Variants in KIF18A observed in about 807,000 individuals in gnomAD.
KIF18A encodes kinesin family member 18A.
A neutral mutation model predicts 103.3 loss-of-function variants in KIF18A; 67 were observed. That is an observed-to-expected ratio of 0.65 (90% CI 0.53 to 0.79). The LOEUF is 0.79. KIF18A is among the 30% of genes least tolerant of loss of function. The pLI is 0.00. For missense variants in KIF18A, 1,032 were observed against 1,062.5 expected, an observed-to-expected ratio of 0.97 and a Z score of 0.40; for synonymous variants, 367 against 355.5, an observed-to-expected ratio of 1.03 and a Z score of -0.36.
At chr11:28,022,235 G>A (rs1204665304) in intron 16 of KIF18A, among the ~76,000 whole-genome samples, 1 of 150,960 alleles carries the variant, frequency 6.6e-6, no homozygotes, top group Non-Finnish European at 1.5e-5. Flanking sequence ...CAGATAATAA[G>A]CATATTAGAA....
At chr11:28,040,886 C>G (rs549172897) in intron 13 of KIF18A, among the ~76,000 whole-genome samples, 1 of 151,740 alleles carries the variant, frequency 6.6e-6, no homozygotes, top group South Asian at 2.1e-4. Flanking sequence ...TGATTATGAC[C>G]CATGGGATGT....
At chr11:28,064,645 T>C (rs1003781366) in intron 11 of KIF18A, among the ~76,000 whole-genome samples, 4 of 152,056 alleles carry the variant, frequency 2.6e-5, no homozygotes, top group African/African-American at 7.2e-5. Flanking sequence ...GATAATCTTA[T>C]TCCTTTATCT....
chr11:28,044,250 T>G (rs565023583), intron 13 of KIF18A, among the ~76,000 whole-genome samples: 2 of 152,012 alleles, frequency 1.3e-5, no homozygotes, highest in Admixed American at 1.3e-4. Flanking sequence ...ATAATAAATA[T>G]ATGCTGATTT....
intron 6 of KIF18A, among the ~76,000 whole-genome samples, chr11:28,087,634 C>T (rs951250361): frequency 6.6e-6 from 1 of 152,132 alleles, no homozygotes; most frequent in African/African-American, 2.4e-5. Context: ...AATGGTATTT[C>T]TGGTTCTAGA....
At chr11:28,039,174 G>T (rs1482475708) in intron 13 of KIF18A, among the ~76,000 whole-genome samples, 1 of 151,536 alleles carries the variant, frequency 6.6e-6, no homozygotes, top group African/African-American at 2.4e-5. Flanking sequence ...ATATGATAAG[G>T]GTTCAAAGAA....
chr11:28,092,613 T>G (rs1427516246), intron 3 of KIF18A, among the ~76,000 whole-genome samples: 2 of 152,192 alleles, frequency 1.3e-5, no homozygotes, highest in Admixed American at 6.5e-5. Flanking sequence ...GTATAAAGTT[T>G]ATTACTTGCT....
chr11:28,099,205 G>C (rs1160882863), intron 1 of KIF18A, among the ~76,000 whole-genome samples: 3 of 152,098 alleles, frequency 2.0e-5, no homozygotes, highest in Admixed American at 6.5e-5. Context: ...TGAATCTAGG[G>C]GGCATTATGC....
At chr11:28,093,051 TAA>T in intron 3 of KIF18A, among the ~76,000 whole-genome samples, 1 of 152,328 alleles carries the variant, frequency 6.6e-6, no homozygotes, top group African/African-American at 2.4e-5. Flanking sequence ...GGCCTATTTT[TAA>T]AAAGTTCTAT....
chr11:28,062,320 T>C (rs1234833837), intron 12 of KIF18A, 75 bp downstream of exon 12: 116 of 1,345,650 alleles, frequency 8.6e-5, no homozygotes, highest in Non-Finnish European at 1.1e-4. Flanking sequence ...CTCAACTTTC[T>C]GGCAGTGGAA....
Position 28,021,060 on chromosome 11 carries a change from CT to C in KIF18A, c.*139del. On this transcript the variant is annotated 3_prime_UTR_variant, in exon 17 of 17. Coordinates refer to ENST00000263181, the MANE Select transcript of KIF18A (RefSeq NM_031217.4). ...GAAGAAAACAAAGAGTTTCATTTTT[CT>C]GCTTGCTGAAAGTACTTGGGTAAAC... 1.4e-6 allele frequency: 1 copy of C among 709,922 alleles called. No homozygotes were observed. Among genetic ancestry groups the C allele is most frequent in the Non-Finnish European group, 1.9e-6 (1 of 520,252 alleles). 44.0% of individuals were successfully genotyped at this position (709,922 alleles called of 1,614,324 possible).
At chr11:28,050,774 GCTAT>G (rs1327362157) in intron 13 of KIF18A, among the ~76,000 whole-genome samples, 9 of 151,670 alleles carry the variant, frequency 5.9e-5, no homozygotes, top group Non-Finnish European at 1.2e-4. Context: ...TAGTGAGTGT[GCTAT>G]CTATTTTCCA....
rs1850230945 is a variant in KIF18A, at chr11:28,020,975, A to T, written c.*225T>A. The T allele has an allele frequency of 3.3e-6, 1 of 304,242 alleles. No homozygotes were observed. Among genetic ancestry groups the T allele is most frequent in the Non-Finnish European group, 5.4e-6 (1 of 184,148 alleles). The allele number at this position is 304,242 out of a possible 1,614,324, so 18.8% of individuals were successfully genotyped here. ...TCAGGGATTTTAAAAGGCAACAAAT[A>T]TTTAAAAAACTTAAAAGACAACCTT... is the stretch of plus-strand genomic sequence containing the variant. On this transcript the variant is annotated 3_prime_UTR_variant, in exon 17 of 17. Coordinates refer to ENST00000263181, the MANE Select transcript of KIF18A (RefSeq NM_031217.4).
At chr11:28,070,505 A>G (rs1029321246) in intron 10 of KIF18A, among the ~76,000 whole-genome samples, 10 of 152,196 alleles carry the variant, frequency 6.6e-5, no homozygotes, top group Non-Finnish European at 5.9e-5. Flanking sequence ...ATTTCAGGCT[A>G]GAGTCATAGA....
intron 13 of KIF18A, among the ~76,000 whole-genome samples, chr11:28,036,939 T>C (rs1850500967): frequency 6.6e-6 from 1 of 151,532 alleles, no homozygotes; most frequent in Non-Finnish European, 1.5e-5. Flanking sequence ...TATTGGGTAA[T>C]TAGGAAACAA....
At chr11:28,082,007 A>G (rs1851172371) in intron 9 of KIF18A, among the ~76,000 whole-genome samples, 1 of 152,106 alleles carries the variant, frequency 6.6e-6, no homozygotes, top group Non-Finnish European at 1.5e-5. Context: ...ATGAAAGAGA[A>G]CTAGAATTAG....
At chr11:28,072,239 A>G (rs1375849730) in intron 10 of KIF18A, among the ~76,000 whole-genome samples, 4 of 152,218 alleles carry the variant, frequency 2.6e-5, no homozygotes, top group African/African-American at 9.6e-5. Context: ...GAGAACAAAC[A>G]TAATTCTACA....
At chr11:28,088,755 A>T in intron 5 of KIF18A, 34 bp from the exon 6 acceptor site, 1 of 1,523,016 alleles carries the variant, frequency 6.6e-7, no homozygotes, top group East Asian at 2.3e-5. Context: ...AAAAATGAGG[A>T]TAAGATTTAA....
intron 10 of KIF18A, among the ~76,000 whole-genome samples, chr11:28,075,704 C>T (rs1851081304): frequency 6.6e-6 from 1 of 151,904 alleles, no homozygotes; most frequent in African/African-American, 2.4e-5. Flanking sequence ...ATTATTTCTC[C>T]ATCTGTTTTG....
intron 13 of KIF18A, among the ~76,000 whole-genome samples, chr11:28,058,646 G>A (rs1850814604): frequency 8.8e-6 from 1 of 114,276 alleles, no homozygotes; most frequent in Non-Finnish European, 1.7e-5. Flanking sequence ...TGGGCAACAG[G>A]GTGAGACCCT....
Sources: allele counts gnomAD v4.1 joint callset (sites outside exome capture counted in the v4.1 genomes callset), GRCh38; gene constraint gnomAD v4.1.1; transcripts MANE v1.5; gene names NCBI Gene and HGNC (gene_info 2026-07-23, HGNC 2026-07-21).